KCNIP4: variants seen among roughly 807,000 people sequenced by gnomAD.
KCNIP4 encodes the protein potassium voltage-gated channel interacting protein 4.
KCNIP4 carries 12 observed loss-of-function variants against 34.0 expected under a neutral mutation model. The observed-to-expected ratio is 0.35, with a 90% confidence interval of 0.23 to 0.57. The LOEUF is 0.57. Ranked by LOEUF, KCNIP4 falls within the 20% of genes least tolerant of loss-of-function variation. The probability of loss-of-function intolerance (pLI) is 0.83; values close to 1 mark genes in which losing one functional copy is unlikely to be tolerated. For missense variants in KCNIP4, 238 were observed against 311.7 expected, an observed-to-expected ratio of 0.76 and a Z score of 1.78; for synonymous variants, 124 against 102.2, an observed-to-expected ratio of 1.21 and a Z score of -1.29.
At chr4:20,987,163 A>G (rs1160861121) in intron 1 of KCNIP4, among the ~76,000 whole-genome samples, 1 of 152,192 alleles carries the variant, frequency 6.6e-6, no homozygotes, top group African/African-American at 2.4e-5. Context: ...TGGGAGGCTT[A>G]GGTGGGAGGA....
In KCNIP4 at chr4:21,404,285, A is replaced by AT. The variant is rs567474539; in HGVS notation, c.62-521577dup. Among the ~76,000 whole-genome samples the AT allele has an allele frequency of 1.3e-4, 20 of 152,182 alleles. No homozygotes were observed. In the South Asian group the frequency reaches 3.5e-3, roughly 27 times the overall value. On this transcript the variant is annotated intron_variant, in intron 1 of 8. Transcript: ENST00000382152. ...TAACAAAAAATTTCACTTGTTTATT[A>AT]TTTTTTTCCTGCTTCTTTTAGAATA...
At chr4:21,065,757 T>C in intron 1 of KCNIP4, among the ~76,000 whole-genome samples, 1 of 130,844 alleles carries the variant, frequency 7.6e-6, no homozygotes, top group South Asian at 2.4e-4. Context: ...TATATATATA[T>C]ATATATATAA....
intron 1 of KCNIP4, among the ~76,000 whole-genome samples, chr4:21,894,206 C>T (rs565846901): frequency 1.6e-4 from 25 of 151,830 alleles, no homozygotes; most frequent in Admixed American, 4.6e-4. Context: ...TGTGGTGGCA[C>T]GTGCCTGTAG....
chr4:21,620,184 T>A (rs1156371761), intron 1 of KCNIP4, among the ~76,000 whole-genome samples: 1 of 151,920 alleles, frequency 6.6e-6, no homozygotes, highest in African/African-American at 2.4e-5. Context: ...AGAGTGAAGA[T>A]CAAAAGAGTA....
intron 1 of KCNIP4, among the ~76,000 whole-genome samples, chr4:21,014,549 A>T (rs1739338525): frequency 6.6e-6 from 1 of 152,262 alleles, no homozygotes. Context: ...TGGAAATGCA[A>T]ATCAAATCAC....
At chr4:21,283,857 AT>A (rs1166328888) in intron 1 of KCNIP4, among the ~76,000 whole-genome samples, 2 of 152,104 alleles carry the variant, frequency 1.3e-5, no homozygotes, top group South Asian at 2.1e-4. Flanking sequence ...CACAAAAAAA[AT>A]AAAAATAAAA....
chr4:21,237,106 C>T (rs1577938689), intron 1 of KCNIP4, among the ~76,000 whole-genome samples: 1 of 151,444 alleles, frequency 6.6e-6, no homozygotes, highest in Non-Finnish European at 1.5e-5. Context: ...CAGAAATGAA[C>T]ATAAACAGAG....
At chr4:20,877,267 C>T (rs1009416224) in intron 2 of KCNIP4, among the ~76,000 whole-genome samples, 1 of 152,198 alleles carries the variant, frequency 6.6e-6, no homozygotes, top group African/African-American at 2.4e-5. Flanking sequence ...CTTCTAGTAA[C>T]CATCAACCTA....
intron 1 of KCNIP4, among the ~76,000 whole-genome samples, chr4:20,955,377 T>C (rs552546563): frequency 6.6e-6 from 1 of 152,322 alleles, no homozygotes; most frequent in South Asian, 2.1e-4. Flanking sequence ...ATCTAGAAAC[T>C]AGGTATCTGT....
chr4:21,659,973 T>A (rs999849921), intron 1 of KCNIP4, among the ~76,000 whole-genome samples: 2 of 152,184 alleles, frequency 1.3e-5, no homozygotes, highest in Non-Finnish European at 2.9e-5. Context: ...TAGCTATAGG[T>A]TAATCACCAT....
intron 4 of KCNIP4, among the ~76,000 whole-genome samples, chr4:20,750,424 TATGAAGTTGC>T (rs1199329174): frequency 6.6e-6 from 1 of 152,114 alleles, no homozygotes; most frequent in Non-Finnish European, 1.5e-5. Context: ...TTCCTAGTTG[TATGAAGTTGC>T]ATGAAGTAGG....
chr4:21,877,592 C>A (rs922040919), intron 1 of KCNIP4, among the ~76,000 whole-genome samples: 3 of 152,060 alleles, frequency 2.0e-5, no homozygotes, highest in Non-Finnish European at 4.4e-5. Flanking sequence ...ACTGAATTTC[C>A]GGGTTCTTGG....
At chr4:21,741,837 G>C (rs1322824796) in intron 1 of KCNIP4, among the ~76,000 whole-genome samples, 1 of 152,146 alleles carries the variant, frequency 6.6e-6, no homozygotes, top group East Asian at 2.0e-4. Context: ...AGGAGTTCGA[G>C]ACCAGCCTGG....
intron 1 of KCNIP4, among the ~76,000 whole-genome samples, chr4:21,027,377 A>G (rs1740645548): frequency 6.6e-6 from 1 of 152,092 alleles, no homozygotes; most frequent in African/African-American, 2.4e-5. Flanking sequence ...TTTAAGAAAA[A>G]CTTCGTCACC....
At position 21,798,752 on chromosome 4, in the gene KCNIP4, T is replaced by G. The variant is rs141710857; in HGVS notation, c.61+149819A>C. 2.7e-3 allele frequency among the ~76,000 whole-genome samples: 415 copies of G among 152,114 alleles called. 2 individuals are homozygous for G. The highest frequency in any genetic ancestry group is 9.6e-3 in the African/African-American group (397 of 41,556). Reference sequence around the variant, plus strand: ...TTACATTTATAAGTTCCTCAGAAACTATCTGAAAGTTTTGTATTCCTGCAC... The same window carrying G: ...TTACATTTATAAGTTCCTCAGAAACGATCTGAAAGTTTTGTATTCCTGCAC... On this transcript the variant is annotated intron_variant, in intron 1 of 8. Coordinates refer to ENST00000382152, the MANE Select transcript of KCNIP4 (RefSeq NM_025221.6).
At chr4:21,095,573 C>G (rs906710284) in intron 1 of KCNIP4, among the ~76,000 whole-genome samples, 1 of 152,038 alleles carries the variant, frequency 6.6e-6, no homozygotes, top group Non-Finnish European at 1.5e-5. Context: ...TAATTAGACT[C>G]GTTTTGCAAT....
At chr4:21,755,485 C>A (rs2109153038) in intron 1 of KCNIP4, among the ~76,000 whole-genome samples, 1 of 152,230 alleles carries the variant, frequency 6.6e-6, no homozygotes, top group East Asian at 1.9e-4. Flanking sequence ...ACCCCCGGGG[C>A]AACTGAAACT....
intron 1 of KCNIP4, among the ~76,000 whole-genome samples, chr4:21,343,764 G>A (rs1006215071): frequency 3.3e-5 from 5 of 152,160 alleles, no homozygotes; most frequent in East Asian, 3.9e-4. Flanking sequence ...AGATTCCGAC[G>A]CAGGCTCTTT....
chr4:21,915,471 A>G lies in KCNIP4; in HGVS notation c.61+33100T>C, dbSNP rs138639797. ...AACATTTTGAGTTCCAAGAGGAAAA[A>G]TAACTTATCTAGGTCATACAGTTAA... is the stretch of plus-strand genomic sequence containing the variant. On this transcript the variant is annotated intron_variant, in intron 1 of 8. Coordinates refer to ENST00000382152, the MANE Select transcript of KCNIP4 (RefSeq NM_025221.6). 4.6e-3 allele frequency among the ~76,000 whole-genome samples: 694 copies of G among 152,292 alleles called. 3 individuals are homozygous for G. The highest frequency in any genetic ancestry group is 0.016 in the African/African-American group (654 of 41,568).
Sources: gnomAD v4.1 joint callset for allele counts (sites outside exome capture counted in the v4.1 genomes callset) on GRCh38, gnomAD v4.1.1 for gene constraint, MANE v1.5 for transcripts, NCBI Gene and HGNC (gene_info 2026-07-23, HGNC 2026-07-21) for gene names.